The following MDGA2 variants were observed in gnomAD, a reference collection of about 807,000 sequenced individuals.
The protein encoded by MDGA2 is MAM domain containing glycosylphosphatidylinositol anchor 2.
A neutral mutation model predicts 117.8 loss-of-function variants in MDGA2; 40 were observed. That is an observed-to-expected ratio of 0.34 (90% CI 0.26 to 0.44). The LOEUF is 0.44. Among genes scored for constraint, MDGA2 ranks in the 20% least tolerant of loss-of-function variants. The pLI is 1.00. For missense variants in MDGA2, 1,123 were observed against 1,250.6 expected (o/e 0.90, Z 1.54); for synonymous variants, 452 against 439.0 (o/e 1.03, Z -0.37).
At chr14:47,661,098 T>G (rs1897836937) in intron 1 of MDGA2, among the ~76,000 whole-genome samples, 1 of 152,182 alleles carries the variant, frequency 6.6e-6, no homozygotes, top group Non-Finnish European at 1.5e-5. Context: ...ATAATTTTCA[T>G]GCATAGCACA....
At chr14:47,436,786 C>T (rs534153263) in intron 1 of MDGA2, among the ~76,000 whole-genome samples, 5 of 152,240 alleles carry the variant, frequency 3.3e-5, no homozygotes, top group South Asian at 2.1e-4. Context: ...CCAGTGGCCA[C>T]GGGTTGGACA....
At chr14:47,528,833 T>C (rs1032140807) in intron 1 of MDGA2, among the ~76,000 whole-genome samples, 4 of 152,126 alleles carry the variant, frequency 2.6e-5, no homozygotes, top group Non-Finnish European at 4.4e-5. Flanking sequence ...AGATCATCAA[T>C]ATATTTTATC....
chr14:47,509,269 G>A lies in MDGA2; in HGVS notation c.280+165248C>T, dbSNP rs565950904. 3.1e-4 allele frequency among the ~76,000 whole-genome samples: 47 copies of A among 152,324 alleles called. 1 individual carries two copies. The highest frequency in any genetic ancestry group is 2.2e-3 in the Admixed American group (34 of 15,298). ...GAGATGGGATGGGATAGTATTGTGC[G>A]TGAGTATATTTTGTAAAACCCTTGA... On this transcript the variant is annotated intron_variant, in intron 1 of 16. Transcript: ENST00000399232.
intron 2 of MDGA2, among the ~76,000 whole-genome samples, chr14:47,241,605 A>G (rs1285212648): frequency 6.6e-6 from 1 of 151,864 alleles, no homozygotes; most frequent in East Asian, 1.9e-4. Context: ...TCGCCAGTGA[A>G]TTATTTGTGG....
intron 5 of MDGA2, among the ~76,000 whole-genome samples, chr14:47,118,306 T>G (rs1225817922): frequency 6.6e-6 from 1 of 152,204 alleles, no homozygotes; most frequent in East Asian, 1.9e-4. Flanking sequence ...AAGATAATAC[T>G]GTAATGGAAT....
At chr14:47,161,541 A>G (rs573028117) in intron 3 of MDGA2, among the ~76,000 whole-genome samples, 1 of 151,722 alleles carries the variant, frequency 6.6e-6, no homozygotes, top group Non-Finnish European at 1.5e-5. Context: ...TATTTTTCTA[A>G]AATATATATA....
chr14:47,171,668 A>C (rs1307565008), intron 3 of MDGA2, among the ~76,000 whole-genome samples: 1 of 152,226 alleles, frequency 6.6e-6, no homozygotes, highest in Non-Finnish European at 1.5e-5. Flanking sequence ...GAGGGCAGCC[A>C]AGATGGCCGA....
chr14:46,933,623 G>T (rs540871080), intron 9 of MDGA2, among the ~76,000 whole-genome samples: 74 of 151,194 alleles, frequency 4.9e-4, no homozygotes, highest in Non-Finnish European at 8.6e-4. Flanking sequence ...TTTGATTATT[G>T]TTAACATATA....
intron 6 of MDGA2, among the ~76,000 whole-genome samples, chr14:47,088,391 T>C (rs746562945): frequency 6.6e-6 from 1 of 152,206 alleles, no homozygotes; most frequent in Non-Finnish European, 1.5e-5. Context: ...TTGGGACACC[T>C]GCACACAGCA....
chr14:47,497,545 A>C (rs1894308449), intron 1 of MDGA2, among the ~76,000 whole-genome samples: 1 of 152,168 alleles, frequency 6.6e-6, no homozygotes, highest in South Asian at 2.1e-4. Flanking sequence ...GGCATGAGCC[A>C]CCACACCTGG....
intron 1 of MDGA2, among the ~76,000 whole-genome samples, chr14:47,632,131 A>G (rs1281815088): frequency 1.3e-5 from 2 of 152,162 alleles, no homozygotes; most frequent in African/African-American, 4.8e-5. Context: ...TGAACTGTGC[A>G]TTCATATGTC....
chr14:47,553,226 T>A (rs1895619169), intron 1 of MDGA2, among the ~76,000 whole-genome samples: 1 of 152,236 alleles, frequency 6.6e-6, no homozygotes, highest in South Asian at 2.1e-4. Flanking sequence ...CCCGCTAGAA[T>A]GTGAACTTTC....
intron 5 of MDGA2, among the ~76,000 whole-genome samples, chr14:47,109,004 C>T (rs149936779): frequency 2.0e-5 from 3 of 152,318 alleles, no homozygotes; most frequent in African/African-American, 4.8e-5. Context: ...CAATCCTTTA[C>T]TGTTCTTTCC....
At chr14:47,215,909 C>T (rs1886069218) in intron 3 of MDGA2, among the ~76,000 whole-genome samples, 1 of 152,168 alleles carries the variant, frequency 6.6e-6, no homozygotes, top group Non-Finnish European at 1.5e-5. Context: ...GTCGAGGTTG[C>T]ATGAGAAAAC....
At position 47,083,736 on chromosome 14, in the gene MDGA2, A is replaced by C. The variant is rs1247756024; in HGVS notation, c.1195+13118T>G. On this transcript the variant is annotated intron_variant, in intron 6 of 16. Transcript: ENST00000399232. ...TAGGTAGGTTAAAAGTAAAAGGACA[A>C]AATATATATATCATGCAAACAACCA... Among the ~76,000 whole-genome samples, 3 of 152,082 alleles carry C rather than the reference A, an allele frequency of 2.0e-5. No homozygotes were observed. In the East Asian group the frequency reaches 5.8e-4, roughly 29 times the overall value.
intron 1 of MDGA2, among the ~76,000 whole-genome samples, chr14:47,562,174 C>A (rs1036671260): frequency 6.6e-6 from 1 of 152,084 alleles, no homozygotes; most frequent in African/African-American, 2.4e-5. Flanking sequence ...TCAAGGATAG[C>A]AGCCTGAAGT....
At chr14:47,224,507 A>G (rs1324238227) in intron 2 of MDGA2, among the ~76,000 whole-genome samples, 1 of 152,186 alleles carries the variant, frequency 6.6e-6, no homozygotes, top group Non-Finnish European at 1.5e-5. Flanking sequence ...AGGTTGCCCC[A>G]TTTAATTAAT....
At chr14:47,094,837 A>AT (rs1879870188) in intron 6 of MDGA2, among the ~76,000 whole-genome samples, 1 of 151,896 alleles carries the variant, frequency 6.6e-6, no homozygotes. Flanking sequence ...TTACAATACA[A>AT]TTTTTCTATT....
At chr14:47,330,807 A>C (rs1289922751) in intron 1 of MDGA2, among the ~76,000 whole-genome samples, 1 of 151,974 alleles carries the variant, frequency 6.6e-6, no homozygotes, top group Admixed American at 6.6e-5. Context: ...GCTGAAATAC[A>C]TATGAGTAAA....
Sources: allele counts gnomAD v4.1 joint callset (sites outside exome capture counted in the v4.1 genomes callset), GRCh38; gene constraint gnomAD v4.1.1; transcripts MANE v1.5; gene names NCBI Gene and HGNC (gene_info 2026-07-23, HGNC 2026-07-21).